FAM13A: variants seen among roughly 807,000 people sequenced by gnomAD.
The protein encoded by FAM13A is family with sequence similarity 13 member A.
Under a neutral mutation model 129.6 loss-of-function variants are expected in FAM13A, and 76 were observed. The ratio of observed to expected loss-of-function variants is 0.59; its 90% CI spans 0.49 to 0.71. The LOEUF (loss-of-function observed/expected upper bound fraction) is 0.71, where lower values mean the gene tolerates loss of function less well. Among genes scored for constraint, FAM13A ranks in the 30% least tolerant of loss-of-function variants. FAM13A has a pLI of 0.00. For synonymous variants in FAM13A, 443 were observed against 449.9 expected (o/e 0.98, Z 0.20); for missense variants, 1,108 against 1,249.3 (o/e 0.89, Z 1.70).
At chr4:89,047,517 T>C (rs556894907) in intron 1 of FAM13A, among the ~76,000 whole-genome samples, 1 of 152,170 alleles carries the variant, frequency 6.6e-6, no homozygotes, top group South Asian at 2.1e-4. Flanking sequence ...AAAAAAAGTT[T>C]CAGGGCTCTA....
chr4:89,036,675 AG>A (rs1769423066), intron 1 of FAM13A, among the ~76,000 whole-genome samples: 1 of 152,228 alleles, frequency 6.6e-6, no homozygotes, highest in South Asian at 2.1e-4. Flanking sequence ...TCTTCACAGC[AG>A]CCCCTCCCAT....
intron 4 of FAM13A, among the ~76,000 whole-genome samples, chr4:88,949,514 A>C (rs940415821): frequency 6.6e-6 from 1 of 152,212 alleles, no homozygotes; most frequent in Admixed American, 6.5e-5. Context: ...ATTTTAAAAG[A>C]TGCAAAAGTT....
At chr4:88,805,745 T>C (rs11729934) in intron 7 of FAM13A, among the ~76,000 whole-genome samples, 43,556 of 151,902 alleles carry the variant, frequency 0.29, 6,465 homozygotes, top group East Asian at 0.36. Flanking sequence ...CATGGTTCAC[T>C]GTAGCCACAA....
At chr4:88,982,423 T>C (rs1761760382) in intron 4 of FAM13A, among the ~76,000 whole-genome samples, 1 of 152,246 alleles carries the variant, frequency 6.6e-6, no homozygotes, top group South Asian at 2.1e-4. Context: ...ACTCTGCCAA[T>C]TGCTTACAAT....
chr4:88,938,806 A>G (rs531404055), intron 4 of FAM13A, among the ~76,000 whole-genome samples: 21 of 152,348 alleles, frequency 1.4e-4, no homozygotes, highest in African/African-American at 4.8e-4. Context: ...CTGAATACAG[A>G]ATATCCCATA....
chr4:88,781,933 A>G (rs1180708262), intron 10 of FAM13A, among the ~76,000 whole-genome samples: 1 of 151,650 alleles, frequency 6.6e-6, no homozygotes, highest in Non-Finnish European at 1.5e-5. Flanking sequence ...TGGCACATGT[A>G]TACATATGTA....
intron 5 of FAM13A, among the ~76,000 whole-genome samples, chr4:88,922,292 T>C (rs982325077): frequency 6.6e-6 from 1 of 151,582 alleles, no homozygotes; most frequent in Admixed American, 6.6e-5. Context: ...ATTGACCACA[T>C]AATTGGAAGT....
At chr4:88,777,268 G>A (rs1015217807) in intron 11 of FAM13A, among the ~76,000 whole-genome samples, 3 of 152,140 alleles carry the variant, frequency 2.0e-5, no homozygotes, top group African/African-American at 7.2e-5. Flanking sequence ...TTAGAGGTTA[G>A]TTTTAGAATT....
At chr4:88,995,708 T>C (rs1310238058) in intron 3 of FAM13A, among the ~76,000 whole-genome samples, 2 of 152,068 alleles carry the variant, frequency 1.3e-5, no homozygotes, top group African/African-American at 2.4e-5. Context: ...AGATGGGCTA[T>C]TGTGGGACTT....
Position 88,728,407 on chromosome 4 carries a change from G to A in FAM13A, c.*126C>T. The A allele has an allele frequency of 2.6e-6, 3 of 1,154,380 alleles. No individual in the cohort carries two copies. Among genetic ancestry groups the A allele is most frequent in the Non-Finnish European group, 3.8e-6 (3 of 799,048 alleles). The allele number at this position is 1,154,380 out of a possible 1,614,324, so 71.5% of individuals were successfully genotyped here. ...TGGAAACAGGAGCCGATGCCAAATGGTCTAGAGGCAGAAGGGCTGCATGCT... is the reference window on the plus strand; with the variant it reads ...TGGAAACAGGAGCCGATGCCAAATGATCTAGAGGCAGAAGGGCTGCATGCT... On this transcript the variant is annotated 3_prime_UTR_variant, in exon 24 of 24. Coordinates refer to ENST00000264344, the MANE Select transcript of FAM13A (RefSeq NM_014883.4).
In FAM13A at chr4:88,727,552, T is replaced by A. The variant is rs1736691944; in HGVS notation, c.*981A>T. On this transcript the variant is annotated 3_prime_UTR_variant, in exon 24 of 24. Coordinates refer to ENST00000264344, the MANE Select transcript of FAM13A (RefSeq NM_014883.4). ...TTAGTGCAGATTTTTTTTAAAAAAA[T>A]TAAACTCTGGTAAGTACTCAGGAGG... is the stretch of plus-strand genomic sequence containing the variant. 1 of 152,498 alleles carries A rather than the reference T, an allele frequency of 6.6e-6. No individual in the cohort carries two copies. Among genetic ancestry groups the A allele is most frequent in the African/African-American group, 2.4e-5 (1 of 41,392 alleles). The allele number at this position is 152,498 out of a possible 1,614,324, so 9.4% of individuals were successfully genotyped here. A position where few individuals can be genotyped will look rare whatever the true frequency, so the allele number is the denominator to read the frequency against.
intron 4 of FAM13A, 84 bp downstream of exon 4, chr4:88,990,889 T>C (rs1346949985): frequency 1.9e-6 from 2 of 1,026,000 alleles, no homozygotes; most frequent in African/African-American, 1.6e-5. Flanking sequence ...GACTGAAATA[T>C]GCTTCTACAT....
intron 7 of FAM13A, among the ~76,000 whole-genome samples, chr4:88,845,596 TA>T (rs1230741960): frequency 6.6e-6 from 1 of 151,838 alleles, no homozygotes; most frequent in Admixed American, 6.6e-5. Flanking sequence ...TATAATGAAT[TA>T]AAAAAAATTG....
At chr4:88,788,646 A>T (rs1431192005) in intron 9 of FAM13A, among the ~76,000 whole-genome samples, 1 of 152,194 alleles carries the variant, frequency 6.6e-6, no homozygotes, top group Non-Finnish European at 1.5e-5. Flanking sequence ...TAAGCTAGAA[A>T]TGGAATCATT....
At chr4:88,821,426 C>A (rs891049295) in intron 7 of FAM13A, among the ~76,000 whole-genome samples, 5 of 152,148 alleles carry the variant, frequency 3.3e-5, no homozygotes, top group African/African-American at 1.2e-4. Flanking sequence ...GTTCATTAAT[C>A]ATGACTAAAA....
rs1736486475 is a variant in FAM13A at position 88,726,418 on chromosome 4, T to C, written c.*2115A>G. On this transcript the variant is annotated 3_prime_UTR_variant, in exon 24 of 24. Transcript: ENST00000264344. Reference sequence around the variant, plus strand: ...TGAATCATACAAATTCAAATGGGGATTCCTGAATAAATCTTTAGTTAATTT... The same window carrying C: ...TGAATCATACAAATTCAAATGGGGACTCCTGAATAAATCTTTAGTTAATTT... 6.6e-6 allele frequency: 1 copy of C among 152,622 alleles called. No homozygotes were observed. Among genetic ancestry groups the C allele is most frequent in the African/African-American group, 2.4e-5 (1 of 41,448 alleles). 9.5% of individuals were successfully genotyped at this position (152,622 alleles called of 1,614,324 possible).
chr4:88,959,595 A>C (rs1250721345), intron 4 of FAM13A, among the ~76,000 whole-genome samples: 3 of 152,176 alleles, frequency 2.0e-5, no homozygotes, highest in East Asian at 3.8e-4. Flanking sequence ...TGCCAGTACC[A>C]TGCTTCCTAC....
intron 1 of FAM13A, among the ~76,000 whole-genome samples, chr4:89,043,296 A>G (rs1386710523): frequency 2.0e-5 from 3 of 152,160 alleles, no homozygotes; most frequent in Non-Finnish European, 4.4e-5. Flanking sequence ...ACTAAGAGTG[A>G]GTGTATCACC....
At chr4:88,790,505 T>A (rs1724900433) in intron 9 of FAM13A, 81 bp downstream of exon 9, 8 of 1,176,580 alleles carry the variant, frequency 6.8e-6, no homozygotes, top group Non-Finnish European at 9.8e-6. Context: ...TTAGAGTTGC[T>A]TTTTTTTTCT....
Sources: gnomAD v4.1 joint callset for allele counts (sites outside exome capture counted in the v4.1 genomes callset) on GRCh38, gnomAD v4.1.1 for gene constraint, MANE v1.5 for transcripts, NCBI Gene and HGNC (gene_info 2026-07-23, HGNC 2026-07-21) for gene names.